GRAMD1A: variants seen among roughly 807,000 people sequenced by gnomAD.
The protein encoded by GRAMD1A is protein Aster-A.
A neutral mutation model predicts 92.0 loss-of-function variants in GRAMD1A; 50 were observed. The observed-to-expected ratio is 0.54, with a 90% CI of 0.43 to 0.69. The LOEUF is 0.69. Among genes scored for constraint, GRAMD1A ranks in the 30% least tolerant of loss-of-function variants. GRAMD1A has a pLI of 0.00. For missense variants in GRAMD1A, 819 were observed against 978.9 expected, an observed-to-expected ratio of 0.84 and a Z score of 2.18; for synonymous variants, 405 against 403.6, an observed-to-expected ratio of 1.00 and a Z score of -0.04.
chr19:34,997,153 A>T (rs993329412), upstream of GRAMD1A, among the ~76,000 whole-genome samples: 5 of 151,994 alleles, frequency 3.3e-5, no homozygotes, highest in Admixed American at 6.6e-5. Context: ...AGCTCAGGTG[A>T]TGCACCCTCC....
intron 19 of GRAMD1A, chr19:35,023,825 G>A (rs1466107460): frequency 8.7e-6 from 3 of 343,050 alleles, no homozygotes; most frequent in South Asian, 6.5e-5. Flanking sequence ...GTAAGAGTCA[G>A]TCTCTCGTGC....
At chr19:35,011,600 G>GGTT (rs1568325733) in intron 7 of GRAMD1A, 46 bp downstream of exon 7, 3 of 1,380,926 alleles carry the variant, frequency 2.2e-6, no homozygotes, top group Non-Finnish European at 3.1e-6. Flanking sequence ...TTTCCAGGGG[G>GGTT]ACCATGGAGC....
chr19:35,009,988 C>G lies in GRAMD1A; in HGVS notation c.325+16C>G. 6.3e-7 allele frequency: 1 copy of G among 1,588,714 alleles called. No homozygotes were observed. The highest frequency in any genetic ancestry group is 8.6e-7 in the Non-Finnish European group (1 of 1,156,754). The stretch of plus-strand genomic sequence containing the variant: ...CTCATTGTGGGTGAGTCCCGGACCC[C>G]CAGTCCCAGCTCCTAGCCCAGCCCT... On this transcript the variant is annotated intron_variant, in intron 4 of 19. Transcript: ENST00000317991.
intron 1 of GRAMD1A, among the ~76,000 whole-genome samples, chr19:34,995,008 C>T (rs2013971527): frequency 6.6e-6 from 1 of 152,242 alleles, no homozygotes; most frequent in Admixed American, 6.5e-5. Context: ...TCTGGCCTCC[C>T]CAGACCCAGG....
chr19:35,026,374 G>A lies in GRAMD1A; in HGVS notation c.*233G>A. On this transcript the variant is annotated 3_prime_UTR_variant, in exon 20 of 20. Transcript: ENST00000317991. Reference sequence around the variant, plus strand: ...CTTATTTTGCCCGGCTGAGGTTGTGGGGGGCGCCTCCTGGGGTGCACGATT... The same window carrying A: ...CTTATTTTGCCCGGCTGAGGTTGTGAGGGGCGCCTCCTGGGGTGCACGATT... The A allele has an allele frequency of 3.4e-6, 2 of 581,580 alleles. No individual in the cohort carries two copies. Among genetic ancestry groups the A allele is most frequent in the South Asian group, 4.2e-5 (2 of 47,426 alleles). The allele number at this position is 581,580 out of a possible 1,614,324, so 36.0% of individuals were successfully genotyped here. A position where few individuals can be genotyped will look rare whatever the true frequency, so the allele number is the denominator to read the frequency against.
Position 35,013,101 on chromosome 19 carries a change from C to T in GRAMD1A, c.607-155C>T, listed in dbSNP as rs1310062792. ...CCTGGAGGGGCTGTAGCAGGGGATT[C>T]CCCGCTTGCTGAGGCCAGGTCTGGT... is the stretch of plus-strand genomic sequence containing the variant. On this transcript the variant is annotated intron_variant, in intron 7 of 19. Coordinates refer to ENST00000317991, the MANE Select transcript of GRAMD1A (RefSeq NM_020895.5). This position sits in a 1 kb window ranked among gnomAD's most constrained non-coding sequence, Gnocchi z 4.9. 6.9e-6 allele frequency: 4 copies of T among 581,986 alleles called. No homozygotes were observed. The highest frequency in any genetic ancestry group is 1.2e-5 in the Non-Finnish European group (4 of 322,510). 36.1% of individuals were successfully genotyped at this position (581,986 alleles called of 1,614,324 possible).
At chr19:35,022,604 C>A (rs1390943503) in intron 16 of GRAMD1A, among the ~76,000 whole-genome samples, 1 of 152,138 alleles carries the variant, frequency 6.6e-6, no homozygotes, top group Non-Finnish European at 1.5e-5. Context: ...GTGGAGACCG[C>A]GTAGGCTAAG....
upstream of GRAMD1A, among the ~76,000 whole-genome samples, chr19:34,995,571 GTTTTTTTT>G (rs59556577): frequency 3.2e-5 from 3 of 93,652 alleles, no homozygotes; most frequent in Admixed American, 1.3e-4. Flanking sequence ...CAGATCACGG[GTTTTTTTT>G]TTTTTTTTTT....
chr19:35,024,159 C>G (rs1405826468), intron 19 of GRAMD1A, among the ~76,000 whole-genome samples: 1 of 152,202 alleles, frequency 6.6e-6, no homozygotes, highest in Non-Finnish European at 1.5e-5. Flanking sequence ...GGTGTGTGAC[C>G]TCGTGCAAGT....
At position 35,010,346 on chromosome 19, in the gene GRAMD1A, C is replaced by T. The variant is rs748024957; in HGVS notation, c.492C>T (p.Pro164=). 7 of 1,613,478 alleles carry T rather than the reference C, an allele frequency of 4.3e-6. No individual in the cohort carries two copies. In the East Asian group the frequency reaches 1.1e-4, roughly 26 times the overall value. Residue 164 remains proline (P), a synonymous_variant, in exon 6 of 20, where the codon CCC becomes CCT. Transcript: ENST00000317991. The part of the protein sequence containing the change: ...LKKEKTAKLI[P]NAIQICTESE... ...AGGAAAAGACGGCCAAGCTGATCCCCAACGCCATCCAGATCTGCACGGAGA... is the reference window on the plus strand; with the variant it reads ...AGGAAAAGACGGCCAAGCTGATCCCTAACGCCATCCAGATCTGCACGGAGA...
upstream of GRAMD1A, among the ~76,000 whole-genome samples, chr19:34,998,925 G>C (rs980424132): frequency 1.3e-5 from 2 of 151,958 alleles, no homozygotes; most frequent in Non-Finnish European, 2.9e-5. Flanking sequence ...GTGTGAGCCA[G>C]GGGGAGATGA....
chr19:35,003,569 C>T (rs1171183572), intron 1 of GRAMD1A, among the ~76,000 whole-genome samples: 1 of 152,212 alleles, frequency 6.6e-6, no homozygotes, highest in Non-Finnish European at 1.5e-5. Flanking sequence ...CTTCAGGATT[C>T]CGGCCCCCAG....
At chr19:35,015,760 C>T (rs1305722574) in intron 10 of GRAMD1A, 64 bp from the exon 11 acceptor site, 20 of 1,518,654 alleles carry the variant, frequency 1.3e-5, no homozygotes, top group Non-Finnish European at 1.5e-5. Context: ...AGTGGGGAGG[C>T]GTGGCCCGCA....
Position 35,000,490 on chromosome 19 carries a change from A to G in GRAMD1A, c.8+4A>G. 2.4e-6 allele frequency: 3 copies of G among 1,275,568 alleles called. No homozygotes were observed. The highest frequency in any genetic ancestry group is 2.0e-6 in the Non-Finnish European group (2 of 1,004,256). 79.0% of individuals were successfully genotyped at this position (1,275,568 alleles called of 1,614,324 possible). On this transcript the variant is annotated splice_donor_region_variant and intron_variant, in intron 1 of 19. Coordinates refer to ENST00000317991, the MANE Select transcript of GRAMD1A (RefSeq NM_020895.5). The surrounding 1 kb of genome is among the most constrained non-coding windows in gnomAD (Gnocchi z 4.9). ...ACCGCGCCGCATCCATGTTCGAGTA[A>G]GGACCGGGCGACTAGAGCTCAGGGA...
Position 35,019,234 on chromosome 19 carries a change from G to C in GRAMD1A, c.1257G>C (p.Gln419His). 6.2e-7 allele frequency: 1 copy of C among 1,613,432 alleles called. No homozygotes were observed. Among genetic ancestry groups the C allele is most frequent in the Non-Finnish European group, 8.5e-7 (1 of 1,179,538 alleles). The change falls in exon 12 of 20, where the codon CAG becomes CAC. Residue 419 changes from glutamine (Q) to histidine (H), a missense_variant. Gln to His is a conservative substitution (Grantham distance 24). Coordinates refer to ENST00000317991, the MANE Select transcript of GRAMD1A (RefSeq NM_020895.5). ...SPWSGDSKCHQRRVLTYTIPI... is the reference protein window; with the variant it reads ...SPWSGDSKCHHRRVLTYTIPI... Reference sequence around the variant, plus strand: ...GGAGTGGGGACAGCAAGTGCCACCAGCGCCGGGTGCTGACGTACACCATCC... The same window carrying C: ...GGAGTGGGGACAGCAAGTGCCACCACCGCCGGGTGCTGACGTACACCATCC...
chr19:35,009,468 C>CTGGAGGGCT, intron 3 of GRAMD1A, 25 bp downstream of exon 3: 1 of 1,613,098 alleles, frequency 6.2e-7, no homozygotes, highest in Non-Finnish European at 8.5e-7. Context: ...AAGGGGCTTG[C>CTGGAGGGCT]TGGAGGGCTG....
intron 1 of GRAMD1A, among the ~76,000 whole-genome samples, chr19:35,003,570 C>T (rs1026080292): frequency 1.3e-4 from 20 of 152,190 alleles, no homozygotes; most frequent in African/African-American, 2.9e-4. Context: ...TTCAGGATTC[C>T]GGCCCCCAGG....
chr19:35,012,025 C>T (rs2015279445), intron 7 of GRAMD1A, among the ~76,000 whole-genome samples: 1 of 152,202 alleles, frequency 6.6e-6, no homozygotes, highest in African/African-American at 2.4e-5. Context: ...ACAGTCAGGC[C>T]CTAAGGAGGA....
chr19:35,003,588 C>G (rs2014579292), intron 1 of GRAMD1A, among the ~76,000 whole-genome samples: 1 of 152,234 alleles, frequency 6.6e-6, no homozygotes. Context: ...AGGCCCTGCC[C>G]CTAGATCTGT....
Sources: gnomAD v4.1 joint callset for allele counts (sites outside exome capture counted in the v4.1 genomes callset) on GRCh38, gnomAD v4.1.1 for gene constraint, Gnocchi (gnomAD v3.1) non-coding constraint, MANE v1.5 for transcripts, NCBI Gene and HGNC (gene_info 2026-07-23, HGNC 2026-07-21) for gene names.